The following DPP8 variants were observed in gnomAD, a reference collection of about 807,000 sequenced individuals.
The protein encoded by DPP8 is DPP VIII.
DPP8 carries 31 observed loss-of-function variants against 107.5 expected under a neutral mutation model. The observed-to-expected ratio is 0.29, with a 90% confidence interval of 0.22 to 0.39. The LOEUF (loss-of-function observed/expected upper bound fraction) is 0.39. Among genes scored for constraint, DPP8 ranks in the 10% least tolerant of loss-of-function variants. The pLI is 1.00. For synonymous variants in DPP8, 381 were observed against 356.6 expected, an observed-to-expected ratio of 1.07 and a Z score of -0.77; for missense variants, 842 against 1,076.1, an observed-to-expected ratio of 0.78 and a Z score of 3.04.
intron 1 of DPP8, among the ~76,000 whole-genome samples, chr15:65,515,031 G>C (rs576637126): frequency 6.6e-6 from 1 of 152,278 alleles, no homozygotes; most frequent in Admixed American, 6.5e-5. Context: ...AAGTCTCACT[G>C]TTGCCCAAGC....
intron 5 of DPP8, among the ~76,000 whole-genome samples, chr15:65,493,749 CAGTA>C (rs1441925491): frequency 6.6e-6 from 1 of 152,120 alleles, no homozygotes; most frequent in African/African-American, 2.4e-5. Flanking sequence ...CTCATTGTCT[CAGTA>C]AGTCATTTGA....
intron 15 of DPP8, among the ~76,000 whole-genome samples, chr15:65,461,869 G>T (rs1285022554): frequency 6.6e-6 from 1 of 151,570 alleles, no homozygotes; most frequent in Non-Finnish European, 1.5e-5. Flanking sequence ...AAAGTGCTGG[G>T]ATTACAGGCT....
intron 8 of DPP8, among the ~76,000 whole-genome samples, chr15:65,484,085 T>C (rs1221445557): frequency 6.6e-6 from 1 of 152,062 alleles, no homozygotes; most frequent in African/African-American, 2.4e-5. Flanking sequence ...TCCCAGCACT[T>C]TGGAAGGCCG....
chr15:65,484,953 A>G, intron 8 of DPP8, 146 bp downstream of exon 8: 1 of 662,712 alleles, frequency 1.5e-6, no homozygotes, highest in African/African-American at 1.9e-5. Flanking sequence ...TTGCAAGTAA[A>G]AAATTAGGTC....
intron 16 of DPP8, among the ~76,000 whole-genome samples, chr15:65,454,776 C>T (rs1008266676): frequency 2.0e-5 from 3 of 152,318 alleles, no homozygotes; most frequent in East Asian, 3.9e-4. Context: ...TCACCCGCCT[C>T]GGCCTCCCAA....
chr15:65,449,319 T>G (rs911827246), intron 19 of DPP8, among the ~76,000 whole-genome samples: 1 of 148,834 alleles, frequency 6.7e-6, no homozygotes, highest in Non-Finnish European at 1.5e-5. Context: ...ACAAACAAAA[T>G]CCCACAACCT....
At chr15:65,470,819 T>C (rs953216182) in intron 12 of DPP8, among the ~76,000 whole-genome samples, 18 of 150,766 alleles carry the variant, frequency 1.2e-4, no homozygotes, top group Middle Eastern at 3.4e-3. Flanking sequence ...CTTGGGAGGC[T>C]GAAACAGGAG....
At chr15:65,454,967 C>G (rs1009570192) in intron 16 of DPP8, among the ~76,000 whole-genome samples, 17 of 152,168 alleles carry the variant, frequency 1.1e-4, no homozygotes, top group Non-Finnish European at 2.4e-4. Context: ...ACCACTTAGT[C>G]ATAAAGCTCC....
chr15:65,463,652 A>C (rs1250140828), intron 15 of DPP8, 109 bp downstream of exon 15: 1 of 931,932 alleles, frequency 1.1e-6, no homozygotes, highest in African/African-American at 1.7e-5. Flanking sequence ...ATTAAAAGCA[A>C]ATGCCCAACA....
At chr15:65,515,627 G>A (rs539814538) in intron 1 of DPP8, 14 of 1,606,358 alleles carry the variant, frequency 8.7e-6, no homozygotes, top group African/African-American at 4.0e-5. Flanking sequence ...CACCTACCTC[G>A]TCACTTAAGT....
At chr15:65,455,473 G>C (rs2064336272) in intron 16 of DPP8, 1 of 217,400 alleles carries the variant, frequency 4.6e-6, no homozygotes, top group African/African-American at 2.3e-5. Flanking sequence ...AAAGCAGAAG[G>C]AATTGCTCTT....
At chr15:65,509,612 T>C (rs573552372) in intron 2 of DPP8, among the ~76,000 whole-genome samples, 45 of 152,200 alleles carry the variant, frequency 3.0e-4, no homozygotes, top group Non-Finnish European at 5.9e-4. Flanking sequence ...AAATTAAGCA[T>C]GTGATGAAGT....
intron 5 of DPP8, among the ~76,000 whole-genome samples, chr15:65,490,684 T>G (rs2067941496): frequency 6.6e-6 from 1 of 152,136 alleles, no homozygotes; most frequent in Non-Finnish European, 1.5e-5. Context: ...GACATATAAC[T>G]CTCTTACACA....
intron 12 of DPP8, 102 bp downstream of exon 12, chr15:65,474,106 GA>G (rs918979627): frequency 7.3e-4 from 622 of 854,464 alleles, no homozygotes; most frequent in Non-Finnish European, 7.9e-4. Context: ...CTCTGTCTCG[GA>G]AAAAAAAATA....
In DPP8 at chr15:65,454,367, A is replaced by T. The variant is rs1370399205; in HGVS notation, c.2167T>A (p.Ser723Thr). The T allele has an allele frequency of 1.9e-6, 3 of 1,605,394 alleles. No individual in the cohort carries two copies. The Admixed American group carries it at 5.2e-5, about 28-fold the overall frequency. The stretch of plus-strand genomic sequence containing the variant: ...TCTAAGTCAATGAAATCATATCGAG[A>T]AGCTAGATATTGGAGTCCTTCCACC... ...DQVEGLQYLASRYDFIDLDRV... is the reference protein window; with the variant it reads ...DQVEGLQYLATRYDFIDLDRV... Residue 723 changes from serine to threonine, a missense_variant, in exon 17 of 20, where the codon TCT becomes ACT. Ser to Thr is a moderately conservative substitution (Grantham distance 58, BLOSUM62 1). Coordinates refer to ENST00000300141, the MANE Select transcript of DPP8 (RefSeq NM_130434.5).
chr15:65,505,121 C>A (rs1052019783), intron 3 of DPP8, among the ~76,000 whole-genome samples: 5 of 151,340 alleles, frequency 3.3e-5, no homozygotes, highest in African/African-American at 1.2e-4. Flanking sequence ...TTTGGGAGGC[C>A]GAGGCAGGCG....
intron 2 of DPP8, among the ~76,000 whole-genome samples, chr15:65,511,054 A>G (rs950758494): frequency 6.6e-6 from 1 of 152,220 alleles, no homozygotes; most frequent in African/African-American, 2.4e-5. Context: ...GTTCAGTAAT[A>G]TCAATCAAAA....
In DPP8 at chr15:65,446,947, C is replaced by A. The variant is rs760835591; in HGVS notation, c.2586G>T (p.Leu862=). The change falls in exon 20 of 20, where the codon CTG becomes CTT. Residue 862 remains leucine (L), a synonymous_variant. Coordinates refer to ENST00000300141, the MANE Select transcript of DPP8 (RefSeq NM_130434.5). ...RVPESGEHYE[L]HLLHYLQENL... is the part of the protein sequence containing the mutation. ...TTTCTTGAAGGTAGTGCAAAAGATG[C>A]AGTTCATAATGTTCTCCCGATTCAG... The A allele has an allele frequency of 5.6e-6, 9 of 1,612,018 alleles. No homozygotes were observed. The South Asian group carries it at 7.7e-5, about 14-fold the overall frequency.
chr15:65,480,463 A>G, intron 9 of DPP8, 64 bp from the exon 10 acceptor site: 1 of 1,263,854 alleles, frequency 7.9e-7, no homozygotes. Flanking sequence ...AGATTTCCCT[A>G]TTATCTCCTT....
Sources: allele counts gnomAD v4.1 joint callset (sites outside exome capture counted in the v4.1 genomes callset), GRCh38; gene constraint gnomAD v4.1.1; transcripts MANE v1.5; gene names NCBI Gene and HGNC (gene_info 2026-07-23, HGNC 2026-07-21).